The following GRAMD2B variants were observed in gnomAD, a reference collection of about 807,000 sequenced individuals.
The protein encoded by GRAMD2B is GRAM domain containing 2B.
In GRAMD2B, 41 loss-of-function variants were observed where a neutral mutation model predicts 59.2. The observed-to-expected ratio is 0.69, with a 90% confidence interval of 0.54 to 0.90. The LOEUF is 0.90. GRAMD2B is among the 40% of genes least tolerant of loss of function. The pLI is 0.00. For missense variants in GRAMD2B, 424 were observed against 500.5 expected (o/e 0.85, Z 1.46); for synonymous variants, 161 against 182.7 (o/e 0.88, Z 0.96).
intron 1 of GRAMD2B, among the ~76,000 whole-genome samples, chr5:126,449,658 A>T (rs2126667947): frequency 6.6e-6 from 1 of 152,324 alleles, no homozygotes. Flanking sequence ...TTAAAGTGAC[A>T]GTGTCTTTCT....
intron 1 of GRAMD2B, among the ~76,000 whole-genome samples, chr5:126,385,057 G>A (rs571955678): frequency 6.6e-6 from 1 of 152,332 alleles, no homozygotes; most frequent in Admixed American, 6.5e-5. Context: ...ATGGATGAAT[G>A]AAGACCTTCC....
intron 2 of GRAMD2B, 44 bp from the exon 3 acceptor site, chr5:126,469,632 CA>C (rs751283018): frequency 5.1e-4 from 648 of 1,261,274 alleles, no homozygotes; most frequent in Non-Finnish European, 6.0e-4. Context: ...AAAACTGTCT[CA>C]AAAAAAAATT....
chr5:126,485,234 C>A (rs1256603004), intron 10 of GRAMD2B, among the ~76,000 whole-genome samples: 1 of 151,988 alleles, frequency 6.6e-6, no homozygotes, highest in Non-Finnish European at 1.5e-5. Context: ...GTTTGTAGTT[C>A]CAGCTACTTG....
chr5:126,410,551 CT>C (rs1758693766), intron 1 of GRAMD2B, among the ~76,000 whole-genome samples: 2 of 152,166 alleles, frequency 1.3e-5, no homozygotes, highest in East Asian at 3.9e-4. Context: ...TATCCTGAGA[CT>C]TTGCTGCAGT....
At chr5:126,374,951 A>G (rs1276911610) in intron 1 of GRAMD2B, among the ~76,000 whole-genome samples, 1 of 152,244 alleles carries the variant, frequency 6.6e-6, no homozygotes, top group Non-Finnish European at 1.5e-5. Context: ...CTTATCAAGT[A>G]AAACTTTTTA....
chr5:126,484,706 C>T (rs1270549300), intron 10 of GRAMD2B, among the ~76,000 whole-genome samples, 182 bp downstream of exon 10: 3 of 152,038 alleles, frequency 2.0e-5, no homozygotes, highest in African/African-American at 7.2e-5. Context: ...ACCTCAGCCT[C>T]CTGAGTAGCT....
chr5:126,460,893 T>C (rs543780892), intron 1 of GRAMD2B, among the ~76,000 whole-genome samples: 4 of 152,248 alleles, frequency 2.6e-5, no homozygotes, highest in Non-Finnish European at 5.9e-5. Context: ...CAGACACTTC[T>C]AAACCTTTGT....
intron 1 of GRAMD2B, among the ~76,000 whole-genome samples, chr5:126,441,073 C>CT (rs901357749): frequency 1.3e-5 from 2 of 151,112 alleles, no homozygotes; most frequent in Admixed American, 6.6e-5. Context: ...TTTTTTGTGT[C>CT]TTTTTTTTCA....
Position 126,469,719 on chromosome 5 carries a change from G to A in GRAMD2B, c.246G>A (p.Lys82=), listed in dbSNP as rs1012151791. Residue 82 remains lysine (K), a synonymous_variant, in exon 3 of 14, where the codon AAG becomes AAA. Coordinates refer to ENST00000285689, the MANE Select transcript of GRAMD2B (RefSeq NM_023927.4). ...SFDGASLASD[K]NDCKTESKND... is the part of the protein sequence containing the mutation. ...ATGGTGCCTCTTTAGCAAGTGATAA[G>A]AACGACTGTAAAACAGAAAGCAAAA... 3.8e-6 allele frequency: 6 copies of A among 1,597,246 alleles called. No homozygotes were observed. The African/African-American group carries it at 5.4e-5, about 14-fold the overall frequency.
At chr5:126,449,260 A>G (rs991119826) in intron 1 of GRAMD2B, among the ~76,000 whole-genome samples, 2 of 152,244 alleles carry the variant, frequency 1.3e-5, no homozygotes, top group African/African-American at 4.8e-5. Flanking sequence ...TTATATTTAA[A>G]ATATTGGGGT....
At chr5:126,465,676 A>G in intron 2 of GRAMD2B, 131 bp downstream of exon 2, 2 of 808,542 alleles carry the variant, frequency 2.5e-6, no homozygotes, top group African/African-American at 1.7e-5. Context: ...CTGAGAAAGA[A>G]TGAGCATTTT....
At chr5:126,487,014 T>C in intron 12 of GRAMD2B, 37 bp downstream of exon 12, 1 of 1,083,858 alleles carries the variant, frequency 9.2e-7, no homozygotes, top group Non-Finnish European at 1.4e-6. Context: ...CTGCTTGCCA[T>C]TCTGCTTAAT....
chr5:126,382,164 G>A (rs755023158), intron 1 of GRAMD2B, among the ~76,000 whole-genome samples: 6 of 152,078 alleles, frequency 3.9e-5, no homozygotes, highest in African/African-American at 4.8e-5. Flanking sequence ...ATGACTATGT[G>A]CCTAGTCGAT....
Position 126,493,015 on chromosome 5 carries a change from C to A in GRAMD2B, c.*59C>A. On this transcript the variant is annotated 3_prime_UTR_variant, in exon 14 of 14. Coordinates refer to ENST00000285689, the MANE Select transcript of GRAMD2B (RefSeq NM_023927.4). ...ATGTTTCCCTTTGAAGAAGGTGCTTCCTGAGGCGTTTTGTTTGAGTGCACC... is the reference window on the plus strand; with the variant it reads ...ATGTTTCCCTTTGAAGAAGGTGCTTACTGAGGCGTTTTGTTTGAGTGCACC... 7.0e-7 allele frequency: 1 copy of A among 1,437,114 alleles called. No individual in the cohort carries two copies. The highest frequency in any genetic ancestry group is 9.8e-7 in the Non-Finnish European group (1 of 1,022,676). The allele number at this position is 1,437,114 out of a possible 1,614,324, so 89.0% of individuals were successfully genotyped here.
chr5:126,392,962 C>A (rs1431586148), intron 1 of GRAMD2B, among the ~76,000 whole-genome samples: 1 of 152,146 alleles, frequency 6.6e-6, no homozygotes, highest in African/African-American at 2.4e-5. Context: ...TCTTACAGAA[C>A]AATAAATTTC....
chr5:126,403,545 C>A (rs1453438729), intron 1 of GRAMD2B, among the ~76,000 whole-genome samples: 1 of 151,642 alleles, frequency 6.6e-6, no homozygotes, highest in South Asian at 2.1e-4. Flanking sequence ...AAGGGCTCAG[C>A]AGAAAAGAAA....
chr5:126,469,025 A>G (rs1391349512), intron 2 of GRAMD2B, among the ~76,000 whole-genome samples: 2 of 152,236 alleles, frequency 1.3e-5, no homozygotes, highest in Admixed American at 6.5e-5. Flanking sequence ...AAACAAAAAT[A>G]TTCTTTGATT....
At chr5:126,415,104 G>GC (rs1759149379) in intron 1 of GRAMD2B, among the ~76,000 whole-genome samples, 2 of 152,172 alleles carry the variant, frequency 1.3e-5, no homozygotes, top group Non-Finnish European at 2.9e-5. Flanking sequence ...TTGGAATAGA[G>GC]CCCAGTTCTC....
intron 1 of GRAMD2B, among the ~76,000 whole-genome samples, chr5:126,380,427 T>C (rs555517867): frequency 1.3e-5 from 2 of 152,298 alleles, no homozygotes; most frequent in South Asian, 4.1e-4. Flanking sequence ...TTTTTTCTAG[T>C]TCTGTGAAGA....
Sources: gnomAD v4.1 joint callset for allele counts (sites outside exome capture counted in the v4.1 genomes callset) on GRCh38, gnomAD v4.1.1 for gene constraint, MANE v1.5 for transcripts, NCBI Gene and HGNC (gene_info 2026-07-23, HGNC 2026-07-21) for gene names.